Variants in SLC16A2 observed in about 807,000 individuals in gnomAD.
SLC16A2 encodes the protein monocarboxylate transporter 8.
A neutral mutation model predicts 27.2 loss-of-function variants in SLC16A2; 3 were observed. That is an observed-to-expected ratio of 0.11 (90% CI 0.05 to 0.28). The LOEUF (loss-of-function observed/expected upper bound fraction) is 0.28. SLC16A2 is among the 10% of genes least tolerant of loss of function. SLC16A2 has a pLI of 1.00. For missense variants in SLC16A2, 295 were observed against 458.5 expected (o/e 0.64, Z 3.26); for synonymous variants, 202 against 187.8 (o/e 1.08, Z -0.62).
chrX:74,468,054 C>G, intron 1 of SLC16A2, among the ~76,000 whole-genome samples: 1 of 111,907 alleles, frequency 8.9e-6, no homozygotes, highest in Non-Finnish European at 1.9e-5. Flanking sequence ...GGGCTCAACT[C>G]AAAGATCACC....
At chrX:74,462,793 C>T (rs1179629044) in intron 1 of SLC16A2, among the ~76,000 whole-genome samples, 2 of 111,583 alleles carry the variant, frequency 1.8e-5, no homozygotes, top group Admixed American at 1.9e-4. Context: ...ACTAGTTTAG[C>T]AGAAATTCAT....
intron 1 of SLC16A2, among the ~76,000 whole-genome samples, chrX:74,479,551 A>G (rs745931721): frequency 8.9e-6 from 1 of 112,302 alleles, no homozygotes; most frequent in Non-Finnish European, 1.9e-5. Context: ...TCGGAGGAAG[A>G]GAGGCGCTCT....
chrX:74,472,092 G>A (rs1339170490), intron 1 of SLC16A2, among the ~76,000 whole-genome samples: 1 of 111,938 alleles, frequency 8.9e-6, no homozygotes, highest in Non-Finnish European at 1.9e-5. Flanking sequence ...GGACATTTGG[G>A]TTGTTCCCAC....
intron 1 of SLC16A2, chrX:74,476,964 C>T (rs1602122577): frequency 8.9e-6 from 1 of 111,793 alleles, no homozygotes; most frequent in East Asian, 2.8e-4. Flanking sequence ...CTCTGCCAGG[C>T]TTTGGTATCA....
chrX:74,529,112 C>T, intron 4 of SLC16A2, 101 bp from the exon 5 acceptor site: 1 of 575,060 alleles, frequency 1.7e-6, no homozygotes, highest in Non-Finnish European at 2.9e-6. Flanking sequence ...CCCACCACCC[C>T]ATTTTATAGA....
chrX:74,493,277 G>A (rs1214257473), intron 1 of SLC16A2, among the ~76,000 whole-genome samples: 1 of 112,255 alleles, frequency 8.9e-6, no homozygotes, highest in African/African-American at 3.2e-5. Context: ...ATTCCTGCTC[G>A]GGGTGGAGGT....
intron 1 of SLC16A2, among the ~76,000 whole-genome samples, chrX:74,472,742 C>CAA (rs34474433): frequency 1.1e-5 from 1 of 94,912 alleles, no homozygotes; most frequent in Non-Finnish European, 2.2e-5. Context: ...AGCATGGGTG[C>CAA]AAAAAAAAAA....
intron 1 of SLC16A2, among the ~76,000 whole-genome samples, chrX:74,463,625 C>A (rs1200623392): frequency 1.8e-5 from 2 of 110,887 alleles, no homozygotes; most frequent in Non-Finnish European, 3.8e-5. Flanking sequence ...CTCCCGGGTT[C>A]ATGCCATTCT....
chrX:74,493,780 G>A (rs1055698798), intron 1 of SLC16A2, among the ~76,000 whole-genome samples: 8 of 111,444 alleles, frequency 7.2e-5, no homozygotes, highest in African/African-American at 9.8e-5. Context: ...GTGCAGGTGC[G>A]TGCATTCCCT....
intron 1 of SLC16A2, among the ~76,000 whole-genome samples, chrX:74,509,932 A>G (rs1930201397): frequency 8.9e-6 from 1 of 112,156 alleles, no homozygotes; most frequent in Admixed American, 9.4e-5. Context: ...TGTGTTCAGG[A>G]TGGATCTTCA....
intron 1 of SLC16A2, among the ~76,000 whole-genome samples, chrX:74,500,872 C>A (rs1202081571): frequency 9.1e-6 from 1 of 110,241 alleles, no homozygotes; most frequent in Non-Finnish European, 1.9e-5. Context: ...AATAGAATGA[C>A]CGGATGTTCC....
intron 1 of SLC16A2, among the ~76,000 whole-genome samples, chrX:74,427,841 A>ACACC (rs1555980173): frequency 9.4e-6 from 1 of 106,496 alleles, no homozygotes; most frequent in African/African-American, 3.4e-5. Context: ...ACACACACAC[A>ACACC]CCCATACCCT....
At chrX:74,463,806 C>T in intron 1 of SLC16A2, among the ~76,000 whole-genome samples, 1 of 112,375 alleles carries the variant, frequency 8.9e-6, no homozygotes. Context: ...GGATTACAGG[C>T]GTGAGCCACC....
intron 1 of SLC16A2, among the ~76,000 whole-genome samples, chrX:74,515,428 C>T (rs528492617): frequency 9.0e-6 from 1 of 110,608 alleles, no homozygotes; most frequent in African/African-American, 3.3e-5. Context: ...AAATATTTAA[C>T]ATTTCTGTCA....
At chrX:74,424,996 C>T (rs777775569) in intron 1 of SLC16A2, among the ~76,000 whole-genome samples, 1 of 112,178 alleles carries the variant, frequency 8.9e-6, no homozygotes, top group Admixed American at 9.5e-5. Context: ...GTAGCTAGAA[C>T]TACAGGCATG....
chrX:74,421,967 C>T lies in SLC16A2; in HGVS notation c.330C>T (p.Cys110=). 3.3e-6 allele frequency: 4 copies of T among 1,211,029 alleles called. No individual in the cohort carries two copies. Among genetic ancestry groups the T allele is most frequent in the Non-Finnish European group, 4.5e-6 (4 of 895,297 alleles). The change falls in exon 1 of 6, where the codon TGC becomes TGT. Residue 110 remains cysteine, a synonymous_variant. Transcript: ENST00000587091. ...GWVVVFAATW[C]NGSIFGIHNS... is the part of the protein sequence containing the mutation. The stretch of plus-strand genomic sequence containing the variant: ...TGGTGGTGTTCGCTGCCACCTGGTG[C>T]AACGGCTCCATCTTCGGCATCCATA...
chrX:74,460,635 A>C (rs1185427352), intron 1 of SLC16A2, among the ~76,000 whole-genome samples: 2 of 111,879 alleles, frequency 1.8e-5, no homozygotes, highest in Non-Finnish European at 3.8e-5. Flanking sequence ...GGCCACTTTT[A>C]GAAAACATTC....
At chrX:74,501,329 C>T (rs1170667240) in intron 1 of SLC16A2, among the ~76,000 whole-genome samples, 1 of 111,385 alleles carries the variant, frequency 9.0e-6, no homozygotes, top group Non-Finnish European at 1.9e-5. Context: ...ATGCCCAGAA[C>T]AGTTTGGCCT....
chrX:74,470,247 T>G (rs901357540), intron 1 of SLC16A2, among the ~76,000 whole-genome samples: 4 of 112,667 alleles, frequency 3.6e-5, no homozygotes, highest in Admixed American at 1.9e-4. Context: ...TTCCAAGTTT[T>G]GGCAATTATG....
Sources: allele counts gnomAD v4.1 joint callset (sites outside exome capture counted in the v4.1 genomes callset), GRCh38; gene constraint gnomAD v4.1.1; transcripts MANE v1.5; gene names NCBI Gene and HGNC (gene_info 2026-07-23, HGNC 2026-07-21).